The following PCDH9 variants were observed in gnomAD, a reference collection of about 807,000 sequenced individuals.
PCDH9 encodes protocadherin 9.
PCDH9 carries 24 observed loss-of-function variants against 70.6 expected under a neutral mutation model. The observed-to-expected ratio is 0.34, with a 90% CI of 0.25 to 0.48. The LOEUF (loss-of-function observed/expected upper bound fraction) is 0.48, where lower values mean the gene tolerates loss of function less well. Among genes scored for constraint, PCDH9 ranks in the 20% least tolerant of loss-of-function variants. The probability of loss-of-function intolerance (pLI) is 0.99; values close to 1 mark genes in which losing one functional copy is unlikely to be tolerated. For synonymous variants in PCDH9, 562 were observed against 558.5 expected, an observed-to-expected ratio of 1.01 and a Z score of -0.09; for missense variants, 1,281 against 1,503.6, an observed-to-expected ratio of 0.85 and a Z score of 2.45.
intron 2 of PCDH9, among the ~76,000 whole-genome samples, chr13:67,080,106 T>C (rs1300200244): frequency 6.6e-6 from 1 of 152,186 alleles, no homozygotes; most frequent in Non-Finnish European, 1.5e-5. Flanking sequence ...GCACACTTTA[T>C]CGGAACTTCT....
chr13:66,478,168 G>A (rs1479951249), intron 4 of PCDH9, among the ~76,000 whole-genome samples: 1 of 152,096 alleles, frequency 6.6e-6, no homozygotes, highest in Non-Finnish European at 1.5e-5. Context: ...TGTTACTGTT[G>A]TCAGAATTTT....
At chr13:67,092,902 T>C (rs1463958769) in intron 2 of PCDH9, among the ~76,000 whole-genome samples, 6 of 146,640 alleles carry the variant, frequency 4.1e-5, no homozygotes, top group Non-Finnish European at 9.1e-5. Flanking sequence ...GATTCACTTA[T>C]GAACTGGAAT....
chr13:66,779,883 G>A (rs1191333315), intron 3 of PCDH9, among the ~76,000 whole-genome samples: 15 of 140,704 alleles, frequency 1.1e-4, no homozygotes, highest in Non-Finnish European at 2.1e-4. Flanking sequence ...ATGTGTGTGT[G>A]TGTGTGTGTG....
chr13:67,149,617 A>AT (rs557810978), intron 2 of PCDH9, among the ~76,000 whole-genome samples: 2 of 152,114 alleles, frequency 1.3e-5, no homozygotes, highest in African/African-American at 2.4e-5. Context: ...TTTTTATTTG[A>AT]TTTTTTATGA....
chr13:66,759,320 G>C (rs2079585846), intron 3 of PCDH9, among the ~76,000 whole-genome samples: 1 of 151,686 alleles, frequency 6.6e-6, no homozygotes, highest in African/African-American at 2.4e-5. Context: ...ATCTCTTTTG[G>C]TTGCCATTTG....
chr13:66,825,045 T>C (rs974150645), intron 3 of PCDH9: 2 of 151,906 alleles, frequency 1.3e-5, no homozygotes, highest in Non-Finnish European at 2.9e-5. Context: ...GTCCGTATTG[T>C]TAACAGAAAT....
intron 4 of PCDH9, among the ~76,000 whole-genome samples, chr13:66,494,563 C>T (rs996688399): frequency 6.6e-6 from 1 of 152,016 alleles, no homozygotes; most frequent in Non-Finnish European, 1.5e-5. Flanking sequence ...GCTTGTGACT[C>T]TCTCTCTCTG....
At chr13:66,726,254 G>A (rs2079004134) in intron 3 of PCDH9, among the ~76,000 whole-genome samples, 1 of 152,100 alleles carries the variant, frequency 6.6e-6, no homozygotes, top group South Asian at 2.1e-4. Context: ...AAGGAGAAAG[G>A]TTGGAAGAAT....
intron 4 of PCDH9, among the ~76,000 whole-genome samples, chr13:66,381,561 A>T (rs578165021): frequency 6.6e-6 from 1 of 152,194 alleles, no homozygotes; most frequent in South Asian, 2.1e-4. Flanking sequence ...AACAAAATAC[A>T]ACAACAACAA....
At chr13:66,340,697 T>G (rs1354699041) in intron 4 of PCDH9, among the ~76,000 whole-genome samples, 1 of 152,194 alleles carries the variant, frequency 6.6e-6, no homozygotes, top group African/African-American at 2.4e-5. Context: ...ACATAAAAAC[T>G]CTAGCCACAG....
At chr13:66,579,145 C>T (rs1026290527) in intron 4 of PCDH9, among the ~76,000 whole-genome samples, 53 of 152,024 alleles carry the variant, frequency 3.5e-4, no homozygotes, top group Non-Finnish European at 2.9e-5. Flanking sequence ...TCCTTAATTG[C>T]CTTGTCTGTA....
chr13:66,583,229 C>A (rs1366311309), intron 4 of PCDH9, among the ~76,000 whole-genome samples: 1 of 151,576 alleles, frequency 6.6e-6, no homozygotes, highest in Non-Finnish European at 1.5e-5. Flanking sequence ...TAAATAAATG[C>A]ATAAAGGTCA....
At chr13:67,207,082 T>C (rs1357929332) in intron 2 of PCDH9, 1 of 151,568 alleles carries the variant, frequency 6.6e-6, no homozygotes. Context: ...TCTCCCCATG[T>C]CTCAGGAATA....
At chr13:66,828,432 C>T (rs181528763) in intron 3 of PCDH9, among the ~76,000 whole-genome samples, 3 of 152,280 alleles carry the variant, frequency 2.0e-5, no homozygotes, top group Non-Finnish European at 1.5e-5. Context: ...TTTACCCCCA[C>T]TTATCCAGAG....
chr13:67,125,316 T>C (rs2086955443), intron 2 of PCDH9, among the ~76,000 whole-genome samples: 1 of 152,144 alleles, frequency 6.6e-6, no homozygotes, highest in African/African-American at 2.4e-5. Context: ...TGTATTACTG[T>C]TGCCAGCGAA....
intron 2 of PCDH9, among the ~76,000 whole-genome samples, chr13:67,194,634 CAAT>C (rs2089010481): frequency 6.6e-6 from 1 of 152,092 alleles, no homozygotes; most frequent in South Asian, 2.1e-4. Flanking sequence ...TTCCTATTTA[CAAT>C]AATATTCATA....
intron 3 of PCDH9, among the ~76,000 whole-genome samples, chr13:66,671,077 T>G (rs1379268423): frequency 6.6e-6 from 1 of 152,128 alleles, no homozygotes; most frequent in East Asian, 1.9e-4. Context: ...TGATAGTGAA[T>G]AAGTCTCAAG....
chr13:67,028,495 C>A (rs1411336764), intron 2 of PCDH9, among the ~76,000 whole-genome samples: 2 of 151,242 alleles, frequency 1.3e-5, no homozygotes, highest in Non-Finnish European at 2.9e-5. Flanking sequence ...GTGCAGCACA[C>A]CAGCATGGCA....
At chr13:66,570,646 T>G (rs1313825724) in intron 4 of PCDH9, among the ~76,000 whole-genome samples, 1 of 152,080 alleles carries the variant, frequency 6.6e-6, no homozygotes, top group Non-Finnish European at 1.5e-5. Context: ...AGAAGATGCA[T>G]AGTGAACACA....
Sources: allele counts gnomAD v4.1 joint callset (sites outside exome capture counted in the v4.1 genomes callset), GRCh38; gene constraint gnomAD v4.1.1; transcripts MANE v1.5; gene names NCBI Gene and HGNC (gene_info 2026-07-23, HGNC 2026-07-21).